The following TTC39C variants were observed in gnomAD, a reference collection of about 807,000 sequenced individuals.
TTC39C encodes the protein tetratricopeptide repeat domain 39C.
Under a neutral mutation model 76.3 loss-of-function variants are expected in TTC39C, and 33 were observed. That is an observed-to-expected ratio of 0.43 (90% CI 0.33 to 0.58). The LOEUF (loss-of-function observed/expected upper bound fraction) is 0.58, where lower values mean the gene tolerates loss of function less well. Among genes scored for constraint, TTC39C ranks in the 20% least tolerant of loss-of-function variants. TTC39C has a pLI of 0.04. For synonymous variants in TTC39C, 254 were observed against 260.6 expected (o/e 0.97, Z 0.24); for missense variants, 595 against 701.4 (o/e 0.85, Z 1.71).
chr18:24,024,983 C>T (rs2083580499), intron 1 of TTC39C, among the ~76,000 whole-genome samples: 1 of 152,180 alleles, frequency 6.6e-6, no homozygotes, highest in South Asian at 2.1e-4. Context: ...ATTCTCGTGC[C>T]TCAGCCTCCT....
chr18:24,001,386 T>C (rs979921296), intron 1 of TTC39C, among the ~76,000 whole-genome samples: 1 of 152,228 alleles, frequency 6.6e-6, no homozygotes, highest in Non-Finnish European at 1.5e-5. Context: ...AACCTCTTCC[T>C]TGATTCTAGA....
At chr18:24,015,340 T>G in intron 1 of TTC39C, 1 of 258,550 alleles carries the variant, frequency 3.9e-6, no homozygotes. Flanking sequence ...ACGTGCCCGG[T>G]GCCGGTAGGC....
At position 24,069,152 on chromosome 18, in the gene TTC39C, A is replaced by C; in HGVS notation, c.346-5A>C. 6.2e-7 allele frequency: 1 copy of C among 1,612,024 alleles called. No homozygotes were observed. Among genetic ancestry groups the C allele is most frequent in the South Asian group, 1.1e-5 (1 of 91,002 alleles). ...ATCAGTGTGGACATTCTTTCTGCCA[A>C]ACAGGTTGATGTCCGAAAATCCGCC... On this transcript the variant is annotated splice_polypyrimidine_tract_variant and splice_region_variant and intron_variant, in intron 3 of 13. Coordinates refer to ENST00000317571, the MANE Select transcript of TTC39C (RefSeq NM_001135993.2).
intron 1 of TTC39C, among the ~76,000 whole-genome samples, chr18:24,060,555 G>A (rs1355654285): frequency 1.3e-5 from 2 of 152,130 alleles, no homozygotes; most frequent in South Asian, 2.1e-4. Flanking sequence ...TGATCTGCCC[G>A]CCTCAGCCTC....
chr18:23,998,483 G>A (rs1022993586), intron 1 of TTC39C, among the ~76,000 whole-genome samples: 2 of 152,214 alleles, frequency 1.3e-5, no homozygotes, highest in Middle Eastern at 3.4e-3. Context: ...GATGGTGCAC[G>A]CCTGTAATCC....
At chr18:24,098,414 C>CTCCT (rs1345784860) in intron 6 of TTC39C, among the ~76,000 whole-genome samples, 5 of 74,474 alleles carry the variant, frequency 6.7e-5, no homozygotes, top group Admixed American at 1.4e-4. Flanking sequence ...CCCTCCCTCC[C>CTCCT]TCCTTCCTTC....
intron 1 of TTC39C, among the ~76,000 whole-genome samples, chr18:24,051,198 G>A (rs996826776): frequency 4.6e-5 from 7 of 152,102 alleles, no homozygotes; most frequent in African/African-American, 1.7e-4. Flanking sequence ...ACCCAGAGTC[G>A]ACTGGCCCCA....
intron 7 of TTC39C, among the ~76,000 whole-genome samples, chr18:24,116,720 G>C (rs1189307511): frequency 6.6e-6 from 1 of 151,934 alleles, no homozygotes; most frequent in Non-Finnish European, 1.5e-5. Flanking sequence ...ATTTTTTATG[G>C]AGGCAGTATC....
intron 1 of TTC39C, among the ~76,000 whole-genome samples, chr18:24,054,908 A>G (rs2083997077): frequency 6.6e-6 from 1 of 152,014 alleles, no homozygotes; most frequent in African/African-American, 2.4e-5. Flanking sequence ...TCCTTTCCCT[A>G]CCTCCAACCC....
intron 6 of TTC39C, chr18:24,113,899 T>C: frequency 1.9e-6 from 1 of 533,346 alleles, no homozygotes; most frequent in Non-Finnish European, 3.4e-6. Flanking sequence ...GGAAATGTAA[T>C]CTGGATCCTC....
chr18:24,020,005 AG>A (rs2083500335), intron 1 of TTC39C: 3 of 1,436,840 alleles, frequency 2.1e-6, no homozygotes, highest in African/African-American at 2.9e-5. Flanking sequence ...AAGGACTTGC[AG>A]GCTGTCCATG....
intron 1 of TTC39C, chr18:24,020,298 A>T: frequency 8.0e-6 from 8 of 994,652 alleles, no homozygotes; most frequent in Non-Finnish European, 9.6e-6. Context: ...ATTTGGCTTG[A>T]GATTCCTTTT....
intron 1 of TTC39C, chr18:23,994,378 T>C (rs1268299196): frequency 3.3e-5 from 5 of 151,808 alleles, no homozygotes; most frequent in Non-Finnish European, 7.4e-5. Flanking sequence ...AAAACCTTTG[T>C]GTGAGAGCCC....
chr18:24,095,882 G>A (rs2084582133), intron 6 of TTC39C, among the ~76,000 whole-genome samples: 1 of 152,230 alleles, frequency 6.6e-6, no homozygotes, highest in African/African-American at 2.4e-5. Context: ...AACACTCAGA[G>A]GCCATTGTAG....
chr18:24,056,632 C>A (rs1299452113), intron 1 of TTC39C, among the ~76,000 whole-genome samples: 4 of 151,872 alleles, frequency 2.6e-5, no homozygotes, highest in Admixed American at 2.6e-4. Flanking sequence ...AAAAAATTTC[C>A]AAGGCAATGT....
chr18:24,107,889 G>GT (rs1555776835), intron 6 of TTC39C, among the ~76,000 whole-genome samples: 548 of 16,706 alleles, frequency 0.033, 1 homozygote, highest in African/African-American at 0.059. Flanking sequence ...CTCCCAAGTA[G>GT]GGGGGGGGGT....
chr18:24,010,893 C>T (rs372773211), upstream of TTC39C, among the ~76,000 whole-genome samples: 56 of 152,116 alleles, frequency 3.7e-4, no homozygotes, highest in East Asian at 6.2e-3. Flanking sequence ...ACAAAACATA[C>T]GAAAATTAGC....
At chr18:24,045,004 C>T (rs2083846585) in intron 1 of TTC39C, among the ~76,000 whole-genome samples, 1 of 152,042 alleles carries the variant, frequency 6.6e-6, no homozygotes, top group Admixed American at 6.6e-5. Flanking sequence ...TGCGGTGGCT[C>T]ACACCTGTAA....
chr18:24,015,294 C>T, intron 1 of TTC39C: 2 of 368,754 alleles, frequency 5.4e-6, no homozygotes, highest in Non-Finnish European at 9.7e-6. Flanking sequence ...GCCCGCAGTC[C>T]CCCTCTCACT....
Sources: allele counts gnomAD v4.1 joint callset (sites outside exome capture counted in the v4.1 genomes callset), GRCh38; gene constraint gnomAD v4.1.1; transcripts MANE v1.5; gene names NCBI Gene and HGNC (gene_info 2026-07-23, HGNC 2026-07-21).